PPP6R2: variants seen among roughly 807,000 people sequenced by gnomAD.
The protein encoded by PPP6R2 is serine/threonine-protein phosphatase 6 regulatory subunit 2.
Under a neutral mutation model 100.2 loss-of-function variants are expected in PPP6R2, and 62 were observed. That is an observed-to-expected ratio of 0.62 (90% confidence interval 0.50 to 0.76). PPP6R2 has a LOEUF of 0.76. Among genes scored for constraint, PPP6R2 ranks in the 30% least tolerant of loss-of-function variants. The probability of loss-of-function intolerance (pLI) is 0.00; values close to 1 mark genes in which losing one functional copy is unlikely to be tolerated. For missense variants in PPP6R2, 1,142 were observed against 1,276.3 expected (o/e 0.89, Z 1.60); for synonymous variants, 525 against 514.7 (o/e 1.02, Z -0.27).
chr22:50,416,915 C>T (rs554165769), intron 6 of PPP6R2, among the ~76,000 whole-genome samples: 1 of 151,972 alleles, frequency 6.6e-6, no homozygotes, highest in Non-Finnish European at 1.5e-5. Flanking sequence ...GAGATCACAC[C>T]ACTGTGCTCC....
the PPP6R2 span, among the ~76,000 whole-genome samples, chr22:50,331,909 T>C: frequency 4.6e-5 from 7 of 152,190 alleles, no homozygotes; most frequent in East Asian, 1.4e-3. Context: ...CGTGAGCCAT[T>C]GCATCCGGCC....
At chr22:50,335,636 C>T in the PPP6R2 span, among the ~76,000 whole-genome samples, 5,546 of 150,452 alleles carry the variant, frequency 0.037, 364 homozygotes, top group African/African-American at 0.13. Flanking sequence ...CTCAGCCTCC[C>T]GAGTAGGTGA....
rs1228415463 is a variant in PPP6R2 at position 50,436,585 on chromosome 22, G to T, written c.1602+133G>T. 3.5e-6 allele frequency: 3 copies of T among 849,562 alleles called. No individual in the cohort carries two copies. In the African/African-American group the frequency reaches 5.0e-5, roughly 14 times the overall value. The allele number at this position is 849,562 out of a possible 1,614,324, so 52.6% of individuals were successfully genotyped here. On this transcript the variant is annotated intron_variant, in intron 14 of 23. Coordinates refer to ENST00000612753, the MANE Select transcript of PPP6R2 (RefSeq NM_001242898.2). ...ACGCCTGCCTGCTCCTCTTGACTATGCGGTGCCCCTGCATAGTGTGTCCTC... is the reference window on the plus strand; with the variant it reads ...ACGCCTGCCTGCTCCTCTTGACTATTCGGTGCCCCTGCATAGTGTGTCCTC...
chr22:50,355,742 C>T (rs1485493963), intron 1 of PPP6R2, among the ~76,000 whole-genome samples: 2 of 148,566 alleles, frequency 1.3e-5, no homozygotes, highest in African/African-American at 5.0e-5. Flanking sequence ...AGGATGGTCT[C>T]GATCTCCTTA....
At chr22:50,374,911 C>CA (rs60035779) in intron 2 of PPP6R2, among the ~76,000 whole-genome samples, 10,886 of 80,394 alleles carry the variant, frequency 0.14, 1,613 homozygotes, top group African/African-American at 0.36. Flanking sequence ...GACTCTGTCT[C>CA]AAAAAAAAAA....
chr22:50,422,177 G>C, intron 8 of PPP6R2, 77 bp from the exon 9 acceptor site: 4 of 1,545,516 alleles, frequency 2.6e-6, no homozygotes, highest in Non-Finnish European at 3.5e-6. Flanking sequence ...TCTGGAAGAA[G>C]CGGGTGCACT....
At chr22:50,414,710 C>G (rs769442507) in intron 5 of PPP6R2, 21 bp downstream of exon 5, 3 of 1,606,722 alleles carry the variant, frequency 1.9e-6, no homozygotes, top group South Asian at 1.1e-5. Flanking sequence ...GAGTCCCCCC[C>G]CGTTCCCGAG....
rs140309473 is a variant in PPP6R2 at position 50,438,690 on chromosome 22, G to C, written c.2056G>C (p.Asp686His). The part of the protein sequence containing the change: ...DGKASLEAHR[D>H]APGAGAPPAP... ...GAAGGCGAGCTTGGAAGCACACAGA[G>C]ATGCACCTGGGGCAGGTGCCCCACC... is the stretch of plus-strand genomic sequence containing the variant. Residue 686 changes from aspartate (D) to histidine (H), a missense_variant, in exon 19 of 24, where the codon GAT becomes CAT. By Grantham distance (81) the Asp-to-His change is moderately conservative (BLOSUM62 -1). Coordinates refer to ENST00000612753, the MANE Select transcript of PPP6R2 (RefSeq NM_001242898.2). 6.2e-7 allele frequency: 1 copy of C among 1,613,950 alleles called. No individual in the cohort carries two copies. Among genetic ancestry groups the C allele is most frequent in the East Asian group, 2.2e-5 (1 of 44,870 alleles).
chr22:50,374,126 C>G (rs908734766), intron 2 of PPP6R2, among the ~76,000 whole-genome samples: 6 of 152,194 alleles, frequency 3.9e-5, no homozygotes, highest in African/African-American at 1.2e-4. Context: ...CGAAGTGATC[C>G]TCCTGCCTTG....
intron 2 of PPP6R2, among the ~76,000 whole-genome samples, chr22:50,388,147 A>G (rs1181833932): frequency 6.6e-6 from 1 of 151,416 alleles, no homozygotes; most frequent in Non-Finnish European, 1.5e-5. Context: ...ACATGGCAAG[A>G]TGTGGTCTCT....
rs763576297 is a variant in PPP6R2 at position 50,422,365 on chromosome 22, G to C, written c.957G>C (p.Leu319=). ...GGCTGAAGGACTTCCACCAGCTCCT[G>C]CTCAACCCGCCCAAGGTAAATGGCC... ...EPRLKDFHQL[L]LNPPKKKAIL... is the part of the protein sequence containing the mutation. Residue 319 remains leucine (L), a synonymous_variant, in exon 9 of 24, where the codon CTG becomes CTC. Transcript: ENST00000612753. 6.2e-7 allele frequency: 1 copy of C among 1,614,060 alleles called. No individual in the cohort carries two copies. Among genetic ancestry groups the C allele is most frequent in the Non-Finnish European group, 8.5e-7 (1 of 1,179,976 alleles).
the PPP6R2 span, among the ~76,000 whole-genome samples, chr22:50,335,577 T>C: frequency 6.6e-6 from 1 of 151,426 alleles, no homozygotes; most frequent in Non-Finnish European, 1.5e-5. Context: ...AGTGGTCCAA[T>C]CTCGGCACAC....
chr22:50,343,071 C>G (rs2042587524), upstream of PPP6R2, among the ~76,000 whole-genome samples: 1 of 152,166 alleles, frequency 6.6e-6, no homozygotes, highest in South Asian at 2.1e-4. Context: ...TATGCTTGCA[C>G]AAAACTTTAG....
At chr22:50,441,472 G>A (rs2148427131) in intron 22 of PPP6R2, among the ~76,000 whole-genome samples, 1 of 152,332 alleles carries the variant, frequency 6.6e-6, no homozygotes, top group East Asian at 1.9e-4. Flanking sequence ...TGGCAGGCGA[G>A]CGGGCATCTG....
intron 10 of PPP6R2, among the ~76,000 whole-genome samples, chr22:50,430,868 C>T (rs1361185921): frequency 4.8e-5 from 6 of 124,238 alleles, no homozygotes; most frequent in East Asian, 5.2e-4. Context: ...AGCAAGACTC[C>T]GTCTCAAAAA....
upstream of PPP6R2, chr22:50,343,303 C>A: frequency 6.7e-6 from 1 of 150,302 alleles, no homozygotes; most frequent in South Asian, 1.8e-4. Flanking sequence ...ACCCCGCCCC[C>A]GGAGCGCGTG....
chr22:50,350,739 G>A (rs185807285), intron 1 of PPP6R2, among the ~76,000 whole-genome samples: 1 of 151,374 alleles, frequency 6.6e-6, no homozygotes, highest in Admixed American at 6.6e-5. Flanking sequence ...CAGCTACTTG[G>A]GAGGCTGAGG....
intron 3 of PPP6R2, among the ~76,000 whole-genome samples, chr22:50,405,026 G>A (rs1335407152): frequency 1.3e-5 from 2 of 152,234 alleles, no homozygotes; most frequent in Non-Finnish European, 2.9e-5. Flanking sequence ...CTTATTCACA[G>A]GTGTTGGTAT....
intron 3 of PPP6R2, among the ~76,000 whole-genome samples, chr22:50,398,286 C>G (rs1483508900): frequency 6.6e-6 from 1 of 151,420 alleles, no homozygotes; most frequent in African/African-American, 2.4e-5. Context: ...ATTCTCCTGC[C>G]TCAGGCTCCC....
Sources: gnomAD v4.1 joint callset for allele counts (sites outside exome capture counted in the v4.1 genomes callset) on GRCh38, gnomAD v4.1.1 for gene constraint, MANE v1.5 for transcripts, NCBI Gene and HGNC (gene_info 2026-07-23, HGNC 2026-07-21) for gene names.